KIF1A: variants seen among roughly 807,000 people sequenced by gnomAD.
The protein encoded by KIF1A is kinesin family member 1A.
In KIF1A, 46 loss-of-function variants were observed where a neutral mutation model predicts 227.3. The observed-to-expected ratio is 0.20, with a 90% CI of 0.16 to 0.26. KIF1A has a LOEUF of 0.26. Ranked by LOEUF, KIF1A falls within the 10% of genes least tolerant of loss-of-function variation. The probability of loss-of-function intolerance (pLI) is 1.00; values close to 1 mark genes in which losing one functional copy is unlikely to be tolerated. For synonymous variants in KIF1A, 1,022 were observed against 1,012.8 expected (o/e 1.01, Z -0.17); for missense variants, 1,683 against 2,485.9 (o/e 0.68, Z 6.87).
intron 28 of KIF1A, among the ~76,000 whole-genome samples, chr2:240,747,663 C>A (rs1048501024): frequency 1.3e-5 from 2 of 152,238 alleles, no homozygotes; most frequent in Non-Finnish European, 2.9e-5. Context: ...TGTGCAGAGA[C>A]CACCCCACCA....
chr2:240,781,447 ACACACACACACAGCTC>A lies in KIF1A; in HGVS notation c.882+1127_882+1142del, dbSNP rs1385940642. Among the ~76,000 whole-genome samples the A allele has an allele frequency of 8.5e-5, 6 of 70,734 alleles. 1 individual carries two copies. Among genetic ancestry groups the A allele is most frequent in the African/African-American group, 2.1e-4 (2 of 9,618 alleles). The allele number at this position is 70,734 out of a possible 152,430, so 46.4% of individuals were successfully genotyped here. On this transcript the variant is annotated intron_variant, in intron 10 of 48. Transcript: ENST00000498729. ...CACACAGCTCCACACACACACACAC[ACACACACACACAGCTC>A]CACACACACACACACACACACACAG...
chr2:240,780,702 C>T (rs1416972078), intron 10 of KIF1A, among the ~76,000 whole-genome samples: 1 of 151,698 alleles, frequency 6.6e-6, no homozygotes, highest in Non-Finnish European at 1.5e-5. Flanking sequence ...TCCTCTGGTC[C>T]TCACACAGGT....
At chr2:240,730,907 C>G (rs1287382178) in intron 38 of KIF1A, among the ~76,000 whole-genome samples, 2 of 152,210 alleles carry the variant, frequency 1.3e-5, no homozygotes, top group Admixed American at 6.5e-5. Context: ...CAGCATGAGC[C>G]TGCTCTGTAG....
chr2:240,721,023 C>T lies in KIF1A; in HGVS notation c.4759G>A (p.Val1587Ile), dbSNP rs768639671. The change falls in exon 45 of 49, where the codon GTC (valine) becomes ATC (isoleucine). Residue 1587 changes from valine (V) to isoleucine (I), a missense_variant. This residue lies in a region of KIF1A where 384 missense variants were observed against 410.1 expected (regional missense o/e 0.94). Coordinates refer to ENST00000498729, the MANE Select transcript of KIF1A (RefSeq NM_001244008.2). The stretch of plus-strand genomic sequence containing the variant: ...ATCGACGGGTCCCGGAGCAGGGTGA[C>T]AGACATCTCGGAGAGCTGCGGAGGA... ...ASESKLSEMS[V>I]TLLRDPSMSP... is the part of the protein sequence containing the mutation. 1 of 1,611,958 alleles carries T rather than the reference C, an allele frequency of 6.2e-7. No homozygotes were observed.
Position 240,760,780 on chromosome 2 carries a change from G to C in KIF1A, c.2329C>G (p.Pro777Ala). 6.2e-7 allele frequency: 1 copy of C among 1,604,606 alleles called. No individual in the cohort carries two copies. Among genetic ancestry groups the C allele is most frequent in the Non-Finnish European group, 8.5e-7 (1 of 1,176,206 alleles). The change falls in exon 25 of 49, where the codon CCC becomes GCC. Residue 777 changes from proline (P) to alanine (A), a missense_variant. Physicochemically the swap from Pro to Ala is conservative, Grantham distance 27. Coordinates refer to ENST00000498729, the MANE Select transcript of KIF1A (RefSeq NM_001244008.2). ...TCTCGGTCTTTGGCGGCCTCTGGGG[G>C]CAGCAGGTCGGGTGGCAGAGGGGAG... ...LYSPLPPDLL[P>A]PEAAKDRETR... is the part of the protein sequence containing the mutation.
At chr2:240,771,683 A>G (rs1422685891) in intron 14 of KIF1A, among the ~76,000 whole-genome samples, 1 of 151,640 alleles carries the variant, frequency 6.6e-6, no homozygotes, top group South Asian at 2.1e-4. Context: ...GGGACACCAC[A>G]CACCCCCGAG....
chr2:240,784,957 T>G, intron 7 of KIF1A, 32 bp downstream of exon 7: 1 of 1,567,654 alleles, frequency 6.4e-7, no homozygotes, highest in Non-Finnish European at 8.8e-7. Flanking sequence ...CCACTGCCCT[T>G]GGTGGCACCG....
intron 27 of KIF1A, among the ~76,000 whole-genome samples, chr2:240,753,502 G>A (rs947877761): frequency 9.8e-5 from 15 of 152,314 alleles, no homozygotes; most frequent in African/African-American, 2.9e-4. Flanking sequence ...CAGGGGCTGG[G>A]CTCGAGGAGG....
At position 240,760,554 on chromosome 2, in the gene KIF1A, G is replaced by A. The variant is rs2050383233; in HGVS notation, c.2444+111C>T. On this transcript the variant is annotated intron_variant, in intron 25 of 48. Coordinates refer to ENST00000498729, the MANE Select transcript of KIF1A (RefSeq NM_001244008.2). ...TAAAATAATTGGAACAGGAGGAACA[G>A]CGGTGTCTGCAGGTACTCGCTGTGA... 3 of 716,988 alleles carry A rather than the reference G, an allele frequency of 4.2e-6. No individual in the cohort carries two copies. The South Asian group carries it at 1.0e-4, about 24-fold the overall frequency. 44.4% of individuals were successfully genotyped at this position (716,988 alleles called of 1,614,324 possible).
rs566538320 is a variant in KIF1A at position 240,742,437 on chromosome 2, CTT to C, written c.3640+490_3640+491del. On this transcript the variant is annotated intron_variant, in intron 34 of 48. Coordinates refer to ENST00000498729, the MANE Select transcript of KIF1A (RefSeq NM_001244008.2). ...GGTCTTGCAGGAAATAAACTCCACT[CTT>C]TTAACTAAAAGCCAGTGGATCTCAA... Among the ~76,000 whole-genome samples the C allele has an allele frequency of 8.3e-4, 126 of 152,300 alleles. 1 individual carries two copies. Among genetic ancestry groups the C allele is most frequent in the Non-Finnish European group, 1.4e-3 (97 of 68,022 alleles).
chr2:240,732,789 TAAGG>T (rs2046884884), intron 38 of KIF1A, among the ~76,000 whole-genome samples: 1 of 43,682 alleles, frequency 2.3e-5, no homozygotes, highest in Admixed American at 2.8e-4. Flanking sequence ...GATGAGGGGA[TAAGG>T]GATGAGGGGA....
intron 1 of KIF1A, among the ~76,000 whole-genome samples, chr2:240,811,271 A>G (rs1045055021): frequency 6.6e-6 from 1 of 152,164 alleles, no homozygotes; most frequent in African/African-American, 2.4e-5. Flanking sequence ...AGGCTGAGGT[A>G]GGAGAATCAC....
intron 34 of KIF1A, 136 bp from the exon 35 acceptor site, chr2:240,741,513 A>T (rs995248863): frequency 1.4e-5 from 9 of 636,058 alleles, no homozygotes; most frequent in Middle Eastern, 6.8e-4. Flanking sequence ...CAAGGGAAAC[A>T]ACCAGCCAAC....
chr2:240,746,740 GAGC>G (rs1364624204), intron 29 of KIF1A, among the ~76,000 whole-genome samples: 30 of 152,346 alleles, frequency 2.0e-4, no homozygotes, highest in East Asian at 1.7e-3. Context: ...ACTCTCTCAA[GAGC>G]AGAAGAGGAG....
In KIF1A at chr2:240,785,082, G is replaced by A. The variant is rs1418489378; in HGVS notation, c.627C>T (p.Asn209=). ...GNKARTVAAT[N]MNETSSRSHA... is the part of the protein sequence containing the mutation. ...GGGAGCGACTGCTGGTCTCATTCAT[G>A]TTGGTGGCCGCCACGGTCCTGAGGA... Residue 209 remains asparagine, a synonymous_variant, in exon 7 of 49, where the codon AAC becomes AAT. Transcript: ENST00000498729. 5 of 1,613,020 alleles carry A rather than the reference G, an allele frequency of 3.1e-6. No homozygotes were observed. The highest frequency in any genetic ancestry group is 4.2e-6 in the Non-Finnish European group (5 of 1,179,708).
intron 2 of KIF1A, among the ~76,000 whole-genome samples, chr2:240,797,068 G>A (rs1477026838): frequency 6.6e-6 from 1 of 152,220 alleles, no homozygotes; most frequent in Non-Finnish European, 1.5e-5. Context: ...AGCAGCAGTT[G>A]CAGCTGCACC....
At chr2:240,755,028 G>A (rs528881698) in intron 27 of KIF1A, among the ~76,000 whole-genome samples, 1 of 152,270 alleles carries the variant, frequency 6.6e-6, no homozygotes, top group South Asian at 2.1e-4. Context: ...TGCTCTCTCT[G>A]CAGCTCCTGT....
intron 2 of KIF1A, among the ~76,000 whole-genome samples, chr2:240,795,670 T>G (rs1199612340): frequency 3.3e-5 from 5 of 152,104 alleles, no homozygotes; most frequent in Non-Finnish European, 2.9e-5. Flanking sequence ...AAATGCATAA[T>G]GGGGAGGCCG....
At position 240,713,812 on chromosome 2, in the gene KIF1A, C is replaced by A. The variant is rs750785594; in HGVS notation, c.*3552G>T. 2.0e-5 allele frequency: 3 copies of A among 152,820 alleles called. No homozygotes were observed. Among genetic ancestry groups the A allele is most frequent in the African/African-American group, 2.4e-5 (1 of 41,462 alleles). 9.5% of individuals were successfully genotyped at this position (152,820 alleles called of 1,614,324 possible). A position where few individuals can be genotyped will look rare whatever the true frequency, so the allele number is the denominator to read the frequency against. On this transcript the variant is annotated 3_prime_UTR_variant, in exon 49 of 49. Coordinates refer to ENST00000498729, the MANE Select transcript of KIF1A (RefSeq NM_001244008.2). ...TTTATTTCTTAATTGGACAGAGCCT[C>A]AAGTGCACGCACAGTACAGGAGCCT... is the stretch of plus-strand genomic sequence containing the variant.
Sources: allele counts gnomAD v4.1 joint callset (sites outside exome capture counted in the v4.1 genomes callset), GRCh38; gene constraint gnomAD v4.1.1; regional missense constraint gnomAD v4.1.1; transcripts MANE v1.5; gene names NCBI Gene and HGNC (gene_info 2026-07-23, HGNC 2026-07-21).